KIF5A: variants seen among roughly 807,000 people sequenced by gnomAD.
KIF5A encodes the protein kinesin heavy chain isoform 5A.
KIF5A carries 35 observed loss-of-function variants against 141.3 expected under a neutral mutation model. That is an observed-to-expected ratio of 0.25 (90% CI 0.19 to 0.33). The LOEUF (loss-of-function observed/expected upper bound fraction) is 0.33. KIF5A is among the 10% of genes least tolerant of loss of function. KIF5A has a pLI of 1.00. For missense variants in KIF5A, 861 were observed against 1,314.3 expected (o/e 0.66, Z 5.33); for synonymous variants, 448 against 500.2 (o/e 0.90, Z 1.39).
chr12:57,567,431 CG>C, intron 7 of KIF5A, 62 bp from the exon 8 acceptor site: 5 of 1,602,840 alleles, frequency 3.1e-6, no homozygotes, highest in Non-Finnish European at 1.7e-6. Flanking sequence ...CAGTGGAAGC[CG>C]GGGGCTGAGG....
chr12:57,580,057 A>T (rs1882548767), intron 23 of KIF5A, among the ~76,000 whole-genome samples: 1 of 152,202 alleles, frequency 6.6e-6, no homozygotes, highest in Non-Finnish European at 1.5e-5. Flanking sequence ...AAGCTAAAGT[A>T]TTGTCACAGC....
At chr12:57,560,515 C>G (rs1038441835) in intron 1 of KIF5A, among the ~76,000 whole-genome samples, 2 of 152,198 alleles carry the variant, frequency 1.3e-5, no homozygotes, top group African/African-American at 2.4e-5. Context: ...CACATCTACA[C>G]TGGGTATTAC....
Position 57,550,331 on chromosome 12 carries a change from C to G in KIF5A, c.60C>G (p.Asn20Lys). 6.2e-7 allele frequency: 1 copy of G among 1,614,222 alleles called. No individual in the cohort carries two copies. The highest frequency in any genetic ancestry group is 8.5e-7 in the Non-Finnish European group (1 of 1,180,018). The change falls in exon 1 of 29, where the codon AAC becomes AAG. Residue 20 changes from asparagine to lysine, a missense_variant. This residue lies in a region of KIF5A where 59 missense variants were observed against 81.1 expected (regional missense o/e 0.73). Coordinates refer to ENST00000455537, the MANE Select transcript of KIF5A (RefSeq NM_004984.4). This position sits in a 1 kb window ranked among gnomAD's most constrained non-coding sequence, Gnocchi z 4.6. ...IKVLCRFRPL[N>K]QAEILRGDKF... ...TGCTCTGCCGATTCCGGCCCCTGAA[C>G]CAGGCTGAGATTCTGCGGGGAGACA...
In KIF5A at chr12:57,570,896, TC is replaced by T. The variant is rs551021530; in HGVS notation, c.1294-418del. Among the ~76,000 whole-genome samples the T allele has an allele frequency of 6.0e-5, 9 of 150,064 alleles. No individual in the cohort carries two copies. In the East Asian group the frequency reaches 9.8e-4, roughly 16 times the overall value. On this transcript the variant is annotated intron_variant, in intron 12 of 28. Coordinates refer to ENST00000455537, the MANE Select transcript of KIF5A (RefSeq NM_004984.4). ...ACCTCAAACTCCTGGGCTCGAGGGA[TC>T]CCCCCCAACCTCAGCCTCTGAAAGA...
chr12:57,563,728 G>A lies in KIF5A; in HGVS notation c.291+35G>A, dbSNP rs373102752. The A allele has an allele frequency of 5.5e-5, 86 of 1,567,536 alleles. No homozygotes were observed. The Middle Eastern group carries it at 2.3e-3, about 43-fold the overall frequency. ...CTGGCTTTGGTGGTTGAGGGGCTAG[G>A]AGTGTTAATGGAAGATCAGGGAATC... On this transcript the variant is annotated intron_variant, in intron 3 of 28. Transcript: ENST00000455537.
Position 57,572,404 on chromosome 12 carries a change from C to A in KIF5A, c.1569+137C>A. ...GTTCAGTGCATTGTGAGTCCCTCCC[C>A]AACCCTGTCACTGCACTTTCCCCTC... On this transcript the variant is annotated intron_variant, in intron 14 of 28. Coordinates refer to ENST00000455537, the MANE Select transcript of KIF5A (RefSeq NM_004984.4). The surrounding 1 kb of genome is among the most constrained non-coding windows in gnomAD (Gnocchi z 4.2). The A allele has an allele frequency of 1.6e-6, 2 of 1,242,260 alleles. No individual in the cohort carries two copies. Among genetic ancestry groups the A allele is most frequent in the Non-Finnish European group, 1.2e-6 (1 of 868,950 alleles). 77.0% of individuals were successfully genotyped at this position (1,242,260 alleles called of 1,614,324 possible).
Position 57,586,593 on chromosome 12 carries a change from A to G in KIF5A, c.*2412A>G, listed in dbSNP as rs879401430. ...CCCTGTGTGTATTTACTTGGTGTACATAGATAACTTTAAAATAAAATAAAT... is the reference window on the plus strand; with the variant it reads ...CCCTGTGTGTATTTACTTGGTGTACGTAGATAACTTTAAAATAAAATAAAT... On this transcript the variant is annotated 3_prime_UTR_variant, in exon 29 of 29. Transcript: ENST00000455537. The G allele has an allele frequency of 1.3e-5, 2 of 152,242 alleles. No homozygotes were observed. The highest frequency in any genetic ancestry group is 2.4e-5 in the African/African-American group (1 of 41,456). 9.4% of individuals were successfully genotyped at this position (152,242 alleles called of 1,614,324 possible). A position where few individuals can be genotyped will look rare whatever the true frequency, so the allele number is the denominator to read the frequency against.
At chr12:57,561,089 G>T (rs1881896398) in intron 1 of KIF5A, among the ~76,000 whole-genome samples, 1 of 152,094 alleles carries the variant, frequency 6.6e-6, no homozygotes, top group African/African-American at 2.4e-5. Flanking sequence ...ACCCAGGCTG[G>T]AGTGCAGTGG....
In KIF5A at chr12:57,584,273, T is replaced by TACTA. The variant is rs1210278216; in HGVS notation, c.*96_*99dup. ...CATGCTGCAAACCTGTGGTCTCTGATACTAACTCCCTCCCCAACCCCTGTT... is the reference window on the plus strand; with the variant it reads ...CATGCTGCAAACCTGTGGTCTCTGATACTAACTAACTCCCTCCCCAACCCCTGTT... On this transcript the variant is annotated 3_prime_UTR_variant, in exon 29 of 29. Coordinates refer to ENST00000455537, the MANE Select transcript of KIF5A (RefSeq NM_004984.4). The TACTA allele has an allele frequency of 2.6e-5, 4 of 152,644 alleles. No homozygotes were observed. The highest frequency in any genetic ancestry group is 6.6e-5 in the Admixed American group (1 of 15,264). 9.5% of individuals were successfully genotyped at this position (152,644 alleles called of 1,614,324 possible).
intron 1 of KIF5A, among the ~76,000 whole-genome samples, chr12:57,552,118 C>T (rs1881595538): frequency 6.6e-6 from 1 of 152,092 alleles, no homozygotes; most frequent in African/African-American, 2.4e-5. Flanking sequence ...CTTCAGATCC[C>T]CCTGAGACAT....
At chr12:57,558,786 T>C (rs1422531845) in intron 1 of KIF5A, among the ~76,000 whole-genome samples, 1 of 152,268 alleles carries the variant, frequency 6.6e-6, no homozygotes, top group Non-Finnish European at 1.5e-5. Flanking sequence ...GGTTTTGTTT[T>C]GTTTTTCAAG....
chr12:57,564,001 A>T, intron 3 of KIF5A, 107 bp from the exon 4 acceptor site: 1 of 819,206 alleles, frequency 1.2e-6, no homozygotes, highest in Non-Finnish European at 2.1e-6. Flanking sequence ...CTCCTAACTT[A>T]GGATGTTCTT....
At chr12:57,569,744 C>G (rs1401602069) in intron 11 of KIF5A, 61 bp downstream of exon 11, 16 of 1,598,158 alleles carry the variant, frequency 1.0e-5, no homozygotes, top group Non-Finnish European at 1.4e-5. Flanking sequence ...GTTTGGGAGC[C>G]AACTCTGTTT....
chr12:57,579,220 A>T (rs1039712460), intron 23 of KIF5A, among the ~76,000 whole-genome samples: 14 of 152,016 alleles, frequency 9.2e-5, no homozygotes, highest in Non-Finnish European at 1.2e-4. Context: ...TGGGCTGGGG[A>T]TGCAGAAGGG....
At position 57,564,329 on chromosome 12, in the gene KIF5A, C is replaced by A. The variant is rs541981671; in HGVS notation, c.396+117C>A. The stretch of plus-strand genomic sequence containing the variant: ...GACTCCCTTTCCGGTTACCAGAGTT[C>A]TTTGTCAAGATGTTCTCTTCTGTTC... On this transcript the variant is annotated intron_variant, in intron 4 of 28. Coordinates refer to ENST00000455537, the MANE Select transcript of KIF5A (RefSeq NM_004984.4). 171 of 1,089,660 alleles carry A rather than the reference C, an allele frequency of 1.6e-4. No individual in the cohort carries two copies. The East Asian group carries it at 3.5e-3, about 22-fold the overall frequency. The allele number at this position is 1,089,660 out of a possible 1,614,324, so 67.5% of individuals were successfully genotyped here. A position where few individuals can be genotyped will look rare whatever the true frequency, so the allele number is the denominator to read the frequency against.
At chr12:57,575,485 G>T (rs1882392984) in intron 16 of KIF5A, among the ~76,000 whole-genome samples, 155 bp from the exon 17 acceptor site, 1 of 152,138 alleles carries the variant, frequency 6.6e-6, no homozygotes, top group Non-Finnish European at 1.5e-5. Context: ...GGGAGCTAAA[G>T]GAAGAGCCCC....
At chr12:57,579,419 T>G (rs1882526336) in intron 23 of KIF5A, among the ~76,000 whole-genome samples, 1 of 152,238 alleles carries the variant, frequency 6.6e-6, no homozygotes, top group Admixed American at 6.5e-5. Context: ...AGATTCCATT[T>G]AAACTTACAT....
At position 57,550,084 on chromosome 12, in the gene KIF5A, C is replaced by G; in HGVS notation, c.-188C>G. 1.4e-6 allele frequency: 1 copy of G among 701,922 alleles called. No homozygotes were observed. Among genetic ancestry groups the G allele is most frequent in the Non-Finnish European group, 2.4e-6 (1 of 418,606 alleles). 43.5% of individuals were successfully genotyped at this position (701,922 alleles called of 1,614,324 possible). ...ACCAGACGCCCAGGTCGCCCGCATC[C>G]CGCTGCCGCAGGAGAGAGACAGCGC... On this transcript the variant is annotated 5_prime_UTR_variant, in exon 1 of 29. Coordinates refer to ENST00000455537, the MANE Select transcript of KIF5A (RefSeq NM_004984.4). This position sits in a 1 kb window ranked among gnomAD's most constrained non-coding sequence, Gnocchi z 4.6.
intron 1 of KIF5A, among the ~76,000 whole-genome samples, chr12:57,558,812 G>A (rs2140155943): frequency 6.6e-6 from 1 of 152,304 alleles, no homozygotes; most frequent in East Asian, 1.9e-4. Context: ...GTCTCACTCT[G>A]TTGCTCAGGC....
Sources: gnomAD v4.1 joint callset for allele counts (sites outside exome capture counted in the v4.1 genomes callset) on GRCh38, gnomAD v4.1.1 for gene constraint, gnomAD v4.1.1 regional missense constraint, Gnocchi (gnomAD v3.1) non-coding constraint, MANE v1.5 for transcripts, NCBI Gene and HGNC (gene_info 2026-07-23, HGNC 2026-07-21) for gene names.